CARM1: variants seen among roughly 807,000 people sequenced by gnomAD.
CARM1 encodes histone-arginine methyltransferase CARM1.
In CARM1, 14 loss-of-function variants were observed where a neutral mutation model predicts 72.7. The ratio of observed to expected loss-of-function variants is 0.19; its 90% CI spans 0.13 to 0.30. CARM1 has a LOEUF of 0.30. CARM1 is among the 10% of genes least tolerant of loss of function. The probability of loss-of-function intolerance (pLI) is 1.00; values close to 1 mark genes in which losing one functional copy is unlikely to be tolerated. For missense variants in CARM1, 432 were observed against 833.7 expected, an observed-to-expected ratio of 0.52 and a Z score of 5.93; for synonymous variants, 333 against 345.5, an observed-to-expected ratio of 0.96 and a Z score of 0.40.
chr19:10,889,595 C>A lies in CARM1; in HGVS notation c.221-15356C>A, dbSNP rs1440618755. On this transcript the variant is annotated intron_variant, in intron 1 of 15. Transcript: ENST00000327064. ...CCGCCTGCCTCAGCCTCCCAAAGTG[C>A]TGGGATTACAGGCGTGAGCTACCAT... is the stretch of plus-strand genomic sequence containing the variant. Among the ~76,000 whole-genome samples the A allele has an allele frequency of 3.3e-5, 5 of 151,616 alleles. No homozygotes were observed. The South Asian group carries it at 1.0e-3, about 32-fold the overall frequency.
intron 1 of CARM1, among the ~76,000 whole-genome samples, chr19:10,904,660 C>T (rs2074089758): frequency 6.6e-6 from 1 of 152,252 alleles, no homozygotes; most frequent in Non-Finnish European, 1.5e-5. Flanking sequence ...TGTGGGCCAG[C>T]ACCATGCCTT....
At chr19:10,881,621 G>T (rs2073902748) in intron 1 of CARM1, among the ~76,000 whole-genome samples, 1 of 152,098 alleles carries the variant, frequency 6.6e-6, no homozygotes, top group Non-Finnish European at 1.5e-5. Flanking sequence ...GGCTGGGGTG[G>T]GGGAGGGGCC....
chr19:10,873,679 C>G (rs1447108518), intron 1 of CARM1, among the ~76,000 whole-genome samples: 1 of 129,434 alleles, frequency 7.7e-6, no homozygotes, highest in South Asian at 2.6e-4. Flanking sequence ...TTGCTCGGTC[C>G]CCCAGGCTGA....
chr19:10,908,415 C>T (rs374262032), intron 3 of CARM1: 23 of 414,036 alleles, frequency 5.6e-5, no homozygotes, highest in South Asian at 2.6e-4. Flanking sequence ...TTGTGAATAA[C>T]GGTAGAGCAG....
rs200590314 is a variant in CARM1, at chr19:10,920,654, C to G, written c.1335-5C>G. 2 of 1,614,114 alleles carry G rather than the reference C, an allele frequency of 1.2e-6. No homozygotes were observed. Among genetic ancestry groups the G allele is most frequent in the Non-Finnish European group, 8.5e-7 (1 of 1,179,970 alleles). ...CTCATGCCACGGCCTGCACCCTGTC[C>G]GCAGACAGAGCTACGACATCAGTAT... On this transcript the variant is annotated splice_region_variant and splice_polypyrimidine_tract_variant and intron_variant, in intron 11 of 15. Transcript: ENST00000327064. This position sits in a 1 kb window ranked among gnomAD's most constrained non-coding sequence, Gnocchi z 5.3.
Position 10,871,863 on chromosome 19 carries a change from AG to A in CARM1, c.163del (p.Ala55ArgfsTer70). The A allele has an allele frequency of 7.8e-7, 1 of 1,287,822 alleles. No individual in the cohort carries two copies. The highest frequency in any genetic ancestry group is 9.9e-7 in the Non-Finnish European group (1 of 1,011,962). 79.8% of individuals were successfully genotyped at this position (1,287,822 alleles called of 1,614,324 possible). A position where few individuals can be genotyped will look rare whatever the true frequency, so the allele number is the denominator to read the frequency against. On this transcript the variant is annotated frameshift_variant, in exon 1 of 16. Transcript: ENST00000327064. LOFTEE classifies it high-confidence loss of function. This position sits in a 1 kb window ranked among gnomAD's most constrained non-coding sequence, Gnocchi z 5.6. ...GAGATCCAGCGGCACGCGGAGCAGC[AG>A]GCGCTGCGCCTCGAGGTGCGCGCCG... ...NGEIQRHAEQ[Q>X]ALRLEVRAGP...
At position 10,915,085 on chromosome 19, in the gene CARM1, G is replaced by A. The variant is rs531936553; in HGVS notation, c.847+1031G>A. Among the ~76,000 whole-genome samples, 1 of 152,200 alleles carries A rather than the reference G, an allele frequency of 6.6e-6. No individual in the cohort carries two copies. ...GTGGGGCTTGTGCAGGCAGGGGCAGGGGGGAAGCTTCCACTCTCATCTCTG... is the reference window on the plus strand; with the variant it reads ...GTGGGGCTTGTGCAGGCAGGGGCAGAGGGGAAGCTTCCACTCTCATCTCTG... On this transcript the variant is annotated intron_variant, in intron 6 of 15. Coordinates refer to ENST00000327064, the MANE Select transcript of CARM1 (RefSeq NM_199141.2). This position sits in a 1 kb window ranked among gnomAD's most constrained non-coding sequence, Gnocchi z 4.6.
At chr19:10,884,341 CAA>C (rs553780774) in intron 1 of CARM1, among the ~76,000 whole-genome samples, 8 of 79,592 alleles carry the variant, frequency 1.0e-4, no homozygotes, top group Non-Finnish European at 7.8e-5. Flanking sequence ...AACTCCGTCT[CAA>C]AAAAAAAAAA....
chr19:10,908,290 G>A, intron 3 of CARM1, 145 bp downstream of exon 3: 1 of 599,380 alleles, frequency 1.7e-6, no homozygotes, highest in Non-Finnish European at 3.0e-6. Context: ...CCTTGGGCAG[G>A]TTTCCTCTGC....
At chr19:10,886,853 A>C (rs1010413095) in intron 1 of CARM1, among the ~76,000 whole-genome samples, 4 of 152,062 alleles carry the variant, frequency 2.6e-5, no homozygotes, top group Non-Finnish European at 5.9e-5. Flanking sequence ...TGGGGTCTCA[A>C]TATTTTGCCC....
intron 1 of CARM1, among the ~76,000 whole-genome samples, chr19:10,878,442 G>A (rs993431291): frequency 6.6e-6 from 1 of 152,136 alleles, no homozygotes; most frequent in Non-Finnish European, 1.5e-5. Flanking sequence ...TGAGCCCCTT[G>A]TGCCAATTGT....
At chr19:10,873,847 G>C (rs1165530775) in intron 1 of CARM1, among the ~76,000 whole-genome samples, 1 of 151,634 alleles carries the variant, frequency 6.6e-6, no homozygotes, top group Non-Finnish European at 1.5e-5. Context: ...CACCATGTTA[G>C]CCAGGATGGT....
At chr19:10,876,694 A>G (rs1288195034) in intron 1 of CARM1, among the ~76,000 whole-genome samples, 1 of 152,262 alleles carries the variant, frequency 6.6e-6, no homozygotes, top group African/African-American at 2.4e-5. Context: ...TTCCCTGTGC[A>G]GAGGGGGAGG....
Position 10,912,695 on chromosome 19 carries a change from C to A in CARM1, c.669+401C>A, listed in dbSNP as rs2074161721. 6.6e-6 allele frequency among the ~76,000 whole-genome samples: 1 copy of A among 152,110 alleles called. No individual in the cohort carries two copies. The highest frequency in any genetic ancestry group is 1.5e-5 in the Non-Finnish European group (1 of 68,002). The stretch of plus-strand genomic sequence containing the variant: ...CTATTCCGTGAGCGTCCTCTCGCAC[C>A]AGTGGAGGCTGCACCCTCCATTCCC... On this transcript the variant is annotated intron_variant, in intron 5 of 15. Coordinates refer to ENST00000327064, the MANE Select transcript of CARM1 (RefSeq NM_199141.2). The surrounding 1 kb of genome is among the most constrained non-coding windows in gnomAD (Gnocchi z 4.5).
intron 1 of CARM1, among the ~76,000 whole-genome samples, chr19:10,881,332 G>A (rs545283117): frequency 6.6e-6 from 1 of 152,278 alleles, no homozygotes; most frequent in East Asian, 1.9e-4. Flanking sequence ...CCCTGATTTC[G>A]GTCAGCTTCT....
At chr19:10,885,892 T>A (rs59080007) in intron 1 of CARM1, among the ~76,000 whole-genome samples, 1 of 105,688 alleles carries the variant, frequency 9.5e-6, no homozygotes. Flanking sequence ...TCCCTCATTT[T>A]TTTTTTTTTT....
rs1379727163 is a variant in CARM1, at chr19:10,871,781, G to A, written c.79G>A (p.Ala27Thr). ...GGTCCCGGGCGGCGCGGGGCCCTGCGCTACCGTGTCGGTGTTCCCCGGCGC... is the reference window on the plus strand; with the variant it reads ...GGTCCCGGGCGGCGCGGGGCCCTGCACTACCGTGTCGGTGTTCCCCGGCGC... ...SAVPGGAGPC[A>T]TVSVFPGARL... The change falls in exon 1 of 16, where the codon GCT becomes ACT. Residue 27 changes from alanine to threonine, a missense_variant. By Grantham distance (58) the Ala-to-Thr change is moderately conservative (BLOSUM62 0). Around this residue, in one of 3 missense-constraint regions of CARM1, gnomAD observed 138 missense variants for 192.3 expected, o/e 0.72. Transcript: ENST00000327064. This position sits in a 1 kb window ranked among gnomAD's most constrained non-coding sequence, Gnocchi z 5.6. 16 of 1,188,294 alleles carry A rather than the reference G, an allele frequency of 1.3e-5. No homozygotes were observed. The highest frequency in any genetic ancestry group is 1.5e-5 in the Non-Finnish European group (14 of 956,952). 73.6% of individuals were successfully genotyped at this position (1,188,294 alleles called of 1,614,324 possible). A position where few individuals can be genotyped will look rare whatever the true frequency, so the allele number is the denominator to read the frequency against.
In CARM1 at chr19:10,912,306, G is replaced by C; in HGVS notation, c.669+12G>C. On this transcript the variant is annotated intron_variant, in intron 5 of 15. Transcript: ENST00000327064. This position sits in a 1 kb window ranked among gnomAD's most constrained non-coding sequence, Gnocchi z 4.5. Reference sequence around the variant, plus strand: ...CCCAGCACGCTGAGGTCAGTGGCCCGCTGGTGCCCACCCAGCCTCGTCCTC... The same window carrying C: ...CCCAGCACGCTGAGGTCAGTGGCCCCCTGGTGCCCACCCAGCCTCGTCCTC... The C allele has an allele frequency of 6.3e-7, 1 of 1,584,304 alleles. No homozygotes were observed.
At chr19:10,883,554 T>C (rs1202010770) in intron 1 of CARM1, among the ~76,000 whole-genome samples, 1 of 152,196 alleles carries the variant, frequency 6.6e-6, no homozygotes, top group Non-Finnish European at 1.5e-5. Context: ...GCCCTGCCAC[T>C]TCTTTGTTTG....
Sources: gnomAD v4.1 joint callset for allele counts (sites outside exome capture counted in the v4.1 genomes callset) on GRCh38, gnomAD v4.1.1 for gene constraint, gnomAD v4.1.1 regional missense constraint, Gnocchi (gnomAD v3.1) non-coding constraint, MANE v1.5 for transcripts, NCBI Gene and HGNC (gene_info 2026-07-23, HGNC 2026-07-21) for gene names.